JAM3: variants seen among roughly 807,000 people sequenced by gnomAD.
JAM3 encodes the protein junctional adhesion molecule 3.
JAM3 carries 31 observed loss-of-function variants against 39.4 expected under a neutral mutation model. The ratio of observed to expected loss-of-function variants is 0.79; its 90% CI spans 0.59 to 1.06. The LOEUF (loss-of-function observed/expected upper bound fraction) is 1.06. Ranked by LOEUF, JAM3 falls within the 50% of genes least tolerant of loss-of-function variation. JAM3 has a pLI of 0.00. For missense variants in JAM3, 455 were observed against 391.4 expected, an observed-to-expected ratio of 1.16 and a Z score of -1.37; for synonymous variants, 182 against 148.7, an observed-to-expected ratio of 1.22 and a Z score of -1.63.
At chr11:134,069,661 G>A (rs563112128) in intron 1 of JAM3, among the ~76,000 whole-genome samples, 1 of 152,180 alleles carries the variant, frequency 6.6e-6, no homozygotes, top group Non-Finnish European at 1.5e-5. Flanking sequence ...GAGGGAGCGC[G>A]GCAGCTGCGG....
intron 1 of JAM3, among the ~76,000 whole-genome samples, chr11:134,088,770 T>C (rs1941790998): frequency 6.6e-6 from 1 of 152,174 alleles, no homozygotes; most frequent in African/African-American, 2.4e-5. Context: ...TAATTACTTA[T>C]GGTTTATATA....
At chr11:134,093,576 C>T (rs1218213478) in intron 1 of JAM3, among the ~76,000 whole-genome samples, 9 of 121,490 alleles carry the variant, frequency 7.4e-5, no homozygotes, top group African/African-American at 1.8e-4. Context: ...CTGAGGGAAG[C>T]GTGTCCTGAA....
intron 6 of JAM3, chr11:134,148,149 C>T (rs1943113188): frequency 7.8e-6 from 2 of 257,820 alleles, no homozygotes; most frequent in South Asian, 5.2e-5. Context: ...CAGCAATCTG[C>T]AACAAAGGGA....
chr11:134,069,357 G>A (rs933012667), intron 1 of JAM3, among the ~76,000 whole-genome samples, 198 bp downstream of exon 1: 1 of 152,128 alleles, frequency 6.6e-6, no homozygotes, highest in African/African-American at 2.4e-5. Flanking sequence ...TAGGGCGGGG[G>A]CCCTGGGACG....
intron 1 of JAM3, among the ~76,000 whole-genome samples, chr11:134,135,831 G>C (rs1174635368): frequency 6.6e-6 from 1 of 152,072 alleles, no homozygotes; most frequent in African/African-American, 2.4e-5. Flanking sequence ...CACTTTGGGG[G>C]GCCGAGGCGG....
At chr11:134,080,687 C>T (rs865903696) in intron 1 of JAM3, among the ~76,000 whole-genome samples, 9 of 152,146 alleles carry the variant, frequency 5.9e-5, no homozygotes, top group African/African-American at 2.2e-4. Flanking sequence ...ATTGCCCAGT[C>T]TCGGGTATGT....
At chr11:134,094,593 C>T (rs1005606602) in intron 1 of JAM3, among the ~76,000 whole-genome samples, 1 of 149,650 alleles carries the variant, frequency 6.7e-6, no homozygotes, top group African/African-American at 2.5e-5. Flanking sequence ...TTCCACCTTA[C>T]ATGTCACTTC....
At chr11:134,103,879 A>G (rs1048091096) in intron 1 of JAM3, among the ~76,000 whole-genome samples, 18 of 152,230 alleles carry the variant, frequency 1.2e-4, no homozygotes, top group Non-Finnish European at 2.9e-5. Flanking sequence ...AGGGACCTAC[A>G]AAGAGACTTA....
At chr11:134,129,983 C>T (rs1942737054) in intron 1 of JAM3, among the ~76,000 whole-genome samples, 1 of 151,914 alleles carries the variant, frequency 6.6e-6, no homozygotes, top group Admixed American at 6.6e-5. Flanking sequence ...GCCTTGGTTA[C>T]AGAGTGAGAT....
intron 1 of JAM3, among the ~76,000 whole-genome samples, chr11:134,128,761 T>G (rs950222554): frequency 2.0e-5 from 3 of 152,168 alleles, no homozygotes; most frequent in Admixed American, 2.0e-4. Flanking sequence ...GTGAGTCAAT[T>G]AAACCTTTTT....
intron 1 of JAM3, among the ~76,000 whole-genome samples, chr11:134,127,747 TTAATATATTTC>T (rs1942678384): frequency 1.3e-5 from 2 of 152,128 alleles, no homozygotes; most frequent in South Asian, 4.2e-4. Flanking sequence ...CAGAATTAGT[TTAATATATTTC>T]TAACAAGTAG....
rs1208818339 is a variant in JAM3 at position 134,083,290 on chromosome 11, CTCCCTTTCCCTA to C, written c.76+14133_76+14144del. Among the ~76,000 whole-genome samples, 5 of 152,192 alleles carry C rather than the reference CTCCCTTTCCCTA, an allele frequency of 3.3e-5. No individual in the cohort carries two copies. In the East Asian group the frequency reaches 9.6e-4, roughly 29 times the overall value. Reference sequence around the variant, plus strand: ...GTGTCCATTTACAGCAGATCGCTCCCTCCCTTTCCCTATTTCTCCCTCACTCTTTCTCTCTCC... The same window carrying C: ...GTGTCCATTTACAGCAGATCGCTCCCTTTCTCCCTCACTCTTTCTCTCTCC... On this transcript the variant is annotated intron_variant, in intron 1 of 8. Coordinates refer to ENST00000299106, the MANE Select transcript of JAM3 (RefSeq NM_032801.5).
intron 1 of JAM3, among the ~76,000 whole-genome samples, chr11:134,086,246 CCT>C (rs1291606176): frequency 6.6e-6 from 1 of 152,112 alleles, no homozygotes; most frequent in Admixed American, 6.5e-5. Context: ...TATCATGAGT[CCT>C]CTGGTTCTTC....
At chr11:134,074,856 C>T (rs1268514468) in intron 1 of JAM3, among the ~76,000 whole-genome samples, 1 of 152,098 alleles carries the variant, frequency 6.6e-6, no homozygotes, top group Non-Finnish European at 1.5e-5. Flanking sequence ...TGATGTGCCC[C>T]ATCACTTCTT....
chr11:134,117,061 TA>T (rs201737643), intron 1 of JAM3, among the ~76,000 whole-genome samples: 3 of 148,100 alleles, frequency 2.0e-5, no homozygotes, highest in African/African-American at 2.5e-5. Flanking sequence ...AAAAGAAACT[TA>T]AAAAAAAAAC....
chr11:134,092,238 T>A (rs528182442), intron 1 of JAM3, among the ~76,000 whole-genome samples: 29 of 152,322 alleles, frequency 1.9e-4, no homozygotes, highest in Non-Finnish European at 3.4e-4. Flanking sequence ...GCCCGTTGTG[T>A]GTGATGCGCT....
At chr11:134,103,041 A>G (rs903591658) in intron 1 of JAM3, among the ~76,000 whole-genome samples, 8 of 152,138 alleles carry the variant, frequency 5.3e-5, no homozygotes, top group African/African-American at 1.9e-4. Flanking sequence ...GAGAAGAGCA[A>G]CTCCAAGACA....
At chr11:134,146,946 A>G (rs1393600504) in intron 6 of JAM3, among the ~76,000 whole-genome samples, 1 of 152,128 alleles carries the variant, frequency 6.6e-6, no homozygotes, top group African/African-American at 2.4e-5. Context: ...GCCTGGTGAT[A>G]CCCATTTGGG....
chr11:134,102,857 C>T (rs1002539026), intron 1 of JAM3, among the ~76,000 whole-genome samples: 2 of 152,094 alleles, frequency 1.3e-5, no homozygotes, highest in East Asian at 3.9e-4. Context: ...AAATATGGGA[C>T]TATGTGAAAA....
Sources: allele counts gnomAD v4.1 joint callset (sites outside exome capture counted in the v4.1 genomes callset), GRCh38; gene constraint gnomAD v4.1.1; transcripts MANE v1.5; gene names NCBI Gene and HGNC (gene_info 2026-07-23, HGNC 2026-07-21).